The following METTL4 variants were observed in gnomAD, a reference collection of about 807,000 sequenced individuals.
The protein encoded by METTL4 is methyltransferase 4, N6-adenosine.
A neutral mutation model predicts 54.0 loss-of-function variants in METTL4; 40 were observed. The observed-to-expected ratio is 0.74, with a 90% confidence interval of 0.58 to 0.96. The LOEUF (loss-of-function observed/expected upper bound fraction) is 0.96. METTL4 is among the 50% of genes least tolerant of loss of function. METTL4 has a pLI of 0.00. For synonymous variants in METTL4, 169 were observed against 183.8 expected, an observed-to-expected ratio of 0.92 and a Z score of 0.65; for missense variants, 525 against 549.0, an observed-to-expected ratio of 0.96 and a Z score of 0.44.
intron 2 of METTL4, 110 bp downstream of exon 2, chr18:2,566,711 T>C (rs1218206068): frequency 9.1e-6 from 8 of 883,966 alleles, no homozygotes; most frequent in Non-Finnish European, 1.3e-5. Context: ...TTTTTGGGTT[T>C]TACTGATTCT....
Position 2,566,763 on chromosome 18 carries a change from A to T in METTL4, c.396+58T>A, listed in dbSNP as rs2072424288. 3 of 1,332,298 alleles carry T rather than the reference A, an allele frequency of 2.3e-6. No individual in the cohort carries two copies. The East Asian group carries it at 7.4e-5, about 33-fold the overall frequency. 82.5% of individuals were successfully genotyped at this position (1,332,298 alleles called of 1,614,324 possible). A position where few individuals can be genotyped will look rare whatever the true frequency, so the allele number is the denominator to read the frequency against. ...ATCACCAGATATTTAAGACATTTAG[A>T]TAATAAATCTCAATTATGTTTTCTG... On this transcript the variant is annotated intron_variant, in intron 2 of 8. Coordinates refer to ENST00000574538, the MANE Select transcript of METTL4 (RefSeq NM_022840.5).
chr18:2,548,129 T>C (rs4798002), intron 5 of METTL4, among the ~76,000 whole-genome samples: 61,632 of 152,078 alleles, frequency 0.41, 12,976 homozygotes, highest in East Asian at 0.63. Flanking sequence ...TTTTGCCTTC[T>C]CAGTCAATTC....
At chr18:2,563,698 T>C in intron 3 of METTL4, 99 bp downstream of exon 3, 1 of 738,174 alleles carries the variant, frequency 1.4e-6, no homozygotes, top group Non-Finnish European at 2.2e-6. Context: ...TCAAAATGAT[T>C]GCTTGATTTT....
chr18:2,564,420 T>A (rs2072372212), intron 2 of METTL4, among the ~76,000 whole-genome samples: 2 of 152,218 alleles, frequency 1.3e-5, no homozygotes, highest in South Asian at 4.1e-4. Flanking sequence ...TGACACCGTA[T>A]GAAGTTACCA....
At chr18:2,570,926 C>G (rs2072494054) in intron 1 of METTL4, among the ~76,000 whole-genome samples, 1 of 152,222 alleles carries the variant, frequency 6.6e-6, no homozygotes, top group African/African-American at 2.4e-5. Context: ...TCTACTGTTA[C>G]TGTTGTTAGT....
chr18:2,566,119 A>G (rs1001014922), intron 2 of METTL4, among the ~76,000 whole-genome samples: 2 of 151,308 alleles, frequency 1.3e-5, no homozygotes, highest in Admixed American at 6.6e-5. Context: ...AAAATAAGTA[A>G]AAAAGACAAT....
intron 2 of METTL4, 116 bp downstream of exon 2, chr18:2,566,705 T>G (rs922996084): frequency 3.8e-6 from 3 of 798,388 alleles, no homozygotes; most frequent in South Asian, 2.9e-5. Context: ...AAAGCCTTTT[T>G]GGGTTTTACT....
rs142473325 is a variant in METTL4 at position 2,558,700 on chromosome 18, G to C, written c.460-3662C>G. On this transcript the variant is annotated intron_variant, in intron 3 of 8. Transcript: ENST00000574538. ...GGAAAATTAACTAAATTAAAAGCTT[G>C]TTCTTTGAATATTTGTAAATCATAT... Among the ~76,000 whole-genome samples, 341 of 151,948 alleles carry C rather than the reference G, an allele frequency of 2.2e-3. 4 individuals carry two copies. The highest frequency in any genetic ancestry group is 7.9e-3 in the African/African-American group (328 of 41,464).
At chr18:2,547,675 C>T (rs2072092374) in intron 5 of METTL4, 146 bp from the exon 6 acceptor site, 2 of 540,898 alleles carry the variant, frequency 3.7e-6, no homozygotes, top group Non-Finnish European at 6.1e-6. Context: ...GCCACAGTGA[C>T]ACCCAGTGGA....
chr18:2,548,778 G>A (rs1248835565), intron 5 of METTL4, among the ~76,000 whole-genome samples: 8 of 152,012 alleles, frequency 5.3e-5, no homozygotes, highest in South Asian at 2.1e-4. Context: ...CCCGTGGACC[G>A]CCAATCGTTT....
intron 6 of METTL4, 98 bp downstream of exon 6, chr18:2,547,257 G>T: frequency 1.1e-6 from 1 of 894,402 alleles, no homozygotes; most frequent in South Asian, 3.4e-5. Context: ...CATGTTGAAG[G>T]AGTACAGCAG....
At chr18:2,569,630 G>C (rs1393248231) in intron 1 of METTL4, among the ~76,000 whole-genome samples, 1 of 152,050 alleles carries the variant, frequency 6.6e-6, no homozygotes, top group Non-Finnish European at 1.5e-5. Context: ...CCAAACCACT[G>C]TCCTGTCCCC....
At chr18:2,566,066 T>A (rs71356057) in intron 2 of METTL4, among the ~76,000 whole-genome samples, 2,014 of 129,918 alleles carry the variant, frequency 0.016, 52 homozygotes, top group Middle Eastern at 0.052. Flanking sequence ...AATAAATAAA[T>A]AAATAAATAA....
chr18:2,543,767 A>G (rs2072028711), intron 8 of METTL4, among the ~76,000 whole-genome samples: 1 of 152,232 alleles, frequency 6.6e-6, no homozygotes, highest in South Asian at 2.1e-4. Flanking sequence ...CCTTTAAAAA[A>G]ACGTAAAACT....
rs2072506481 is a variant in METTL4 at position 2,571,414 on chromosome 18, A to C, written c.-704T>G. 1 of 152,188 alleles carries C rather than the reference A, an allele frequency of 6.6e-6. No homozygotes were observed. Among genetic ancestry groups the C allele is most frequent in the Non-Finnish European group, 1.5e-5 (1 of 68,044 alleles). 9.4% of individuals were successfully genotyped at this position (152,188 alleles called of 1,614,324 possible). A position where few individuals can be genotyped will look rare whatever the true frequency, so the allele number is the denominator to read the frequency against. On this transcript the variant is annotated 5_prime_UTR_variant, in exon 1 of 9. Coordinates refer to ENST00000574538, the MANE Select transcript of METTL4 (RefSeq NM_022840.5). ...AGGGGTCGTGCCAGTCTTCGTAGAGACGGCCACACTGGCCCACAGACCCCA... is the reference window on the plus strand; with the variant it reads ...AGGGGTCGTGCCAGTCTTCGTAGAGCCGGCCACACTGGCCCACAGACCCCA...
At position 2,538,989 on chromosome 18, in the gene METTL4, C is replaced by G. The variant is rs933896766; in HGVS notation, c.*11G>C. On this transcript the variant is annotated 3_prime_UTR_variant, in exon 9 of 9. Coordinates refer to ENST00000574538, the MANE Select transcript of METTL4 (RefSeq NM_022840.5). ...ACAATGAAGAAACCACTACTTTAAT[C>G]AAGATCATAGTCAGCTTCCAGACTC... 4.3e-6 allele frequency: 7 copies of G among 1,611,818 alleles called. No individual in the cohort carries two copies. Among genetic ancestry groups the G allele is most frequent in the South Asian group, 1.1e-5 (1 of 90,634 alleles).
intron 8 of METTL4, chr18:2,540,711 C>T (rs1598340036): frequency 1.8e-5 from 18 of 985,286 alleles, no homozygotes; most frequent in Non-Finnish European, 2.2e-5. Flanking sequence ...GAAATAACCC[C>T]ACATGGAAGA....
chr18:2,565,115 T>A (rs2072383953), intron 2 of METTL4, among the ~76,000 whole-genome samples: 1 of 151,962 alleles, frequency 6.6e-6, no homozygotes, highest in Non-Finnish European at 1.5e-5. Flanking sequence ...AGGTGTCTAC[T>A]AAAAATACAA....
chr18:2,562,686 T>C (rs963049191), intron 3 of METTL4, among the ~76,000 whole-genome samples: 1 of 152,092 alleles, frequency 6.6e-6, no homozygotes, highest in Non-Finnish European at 1.5e-5. Flanking sequence ...ATGAACATTG[T>C]ATGATTCCAC....
Sources: allele counts gnomAD v4.1 joint callset (sites outside exome capture counted in the v4.1 genomes callset), GRCh38; gene constraint gnomAD v4.1.1; transcripts MANE v1.5; gene names NCBI Gene and HGNC (gene_info 2026-07-23, HGNC 2026-07-21).